CFAP54: variants seen among roughly 807,000 people sequenced by gnomAD.
The protein encoded by CFAP54 is cilia- and flagella-associated protein 54.
In CFAP54, 290 loss-of-function variants were observed where a neutral mutation model predicts 370.4. The observed-to-expected ratio is 0.78, with a 90% CI of 0.71 to 0.86. CFAP54 has a LOEUF of 0.86. Ranked by LOEUF, CFAP54 falls within the 40% of genes least tolerant of loss-of-function variation. The pLI, the probability that CFAP54 is intolerant of heterozygous loss-of-function variation, is 0.00. For synonymous variants in CFAP54, 1,206 were observed against 1,236.5 expected (o/e 0.98, Z 0.52); for missense variants, 3,399 against 3,528.7 (o/e 0.96, Z 0.93).
At chr12:96,865,784 T>C (rs1406940929) in intron 67 of CFAP54, among the ~76,000 whole-genome samples, 1 of 152,166 alleles carries the variant, frequency 6.6e-6, no homozygotes, top group Non-Finnish European at 1.5e-5. Context: ...CTCATCTCAT[T>C]ATATGACTGG....
chr12:96,815,544 G>C (rs897535456), intron 64 of CFAP54, among the ~76,000 whole-genome samples: 4 of 152,228 alleles, frequency 2.6e-5, no homozygotes, highest in African/African-American at 9.6e-5. Flanking sequence ...TTCTTTTGCT[G>C]TGCAGAAACT....
chr12:96,610,840 A>G (rs1007439498), intron 26 of CFAP54, among the ~76,000 whole-genome samples: 8 of 152,064 alleles, frequency 5.3e-5, no homozygotes, highest in Non-Finnish European at 7.4e-5. Context: ...AGGCTGGGGG[A>G]GGGGCACCTG....
intron 66 of CFAP54, among the ~76,000 whole-genome samples, chr12:96,837,065 TC>T (rs1367147784): frequency 6.6e-6 from 1 of 152,164 alleles, no homozygotes; most frequent in Non-Finnish European, 1.5e-5. Context: ...CAAATGATCC[TC>T]CCATCTTGTT....
chr12:96,602,117 C>A (rs181950178), intron 26 of CFAP54, among the ~76,000 whole-genome samples: 281 of 152,294 alleles, frequency 1.8e-3, no homozygotes, highest in African/African-American at 6.4e-3. Context: ...TCCCTCTACA[C>A]ACTGCTTTAA....
intron 4 of CFAP54, among the ~76,000 whole-genome samples, chr12:96,511,302 A>G (rs867311899): frequency 6.6e-6 from 1 of 151,990 alleles, no homozygotes; most frequent in African/African-American, 2.4e-5. Flanking sequence ...TGCAGTTGCC[A>G]TTTTCTCACA....
chr12:96,506,894 TC>T (rs1274689231), intron 3 of CFAP54, 33 bp from the exon 4 acceptor site: 110 of 1,493,568 alleles, frequency 7.4e-5, no homozygotes, highest in Non-Finnish European at 8.9e-5. Flanking sequence ...GCCAGTTATT[TC>T]TATTTCTATT....
chr12:96,654,139 A>G (rs528061544), intron 36 of CFAP54, among the ~76,000 whole-genome samples: 1 of 152,312 alleles, frequency 6.6e-6, no homozygotes, highest in South Asian at 2.1e-4. Context: ...CAGACCCACA[A>G]TATTTCTTTG....
At chr12:96,650,142 T>C (rs1956842575) in intron 35 of CFAP54, 70 bp downstream of exon 35, 1 of 1,275,814 alleles carries the variant, frequency 7.8e-7, no homozygotes, top group Non-Finnish European at 1.1e-6. Flanking sequence ...GCGTTTAAGA[T>C]ACATTGTGTT....
intron 67 of CFAP54, among the ~76,000 whole-genome samples, chr12:96,867,469 A>G (rs1164882315): frequency 6.6e-6 from 1 of 152,182 alleles, no homozygotes; most frequent in African/African-American, 2.4e-5. Context: ...TCATTGCAGC[A>G]TTACTCTCAA....
At chr12:96,710,111 T>C (rs1450891351) in intron 48 of CFAP54, among the ~76,000 whole-genome samples, 1 of 152,212 alleles carries the variant, frequency 6.6e-6, no homozygotes, top group Non-Finnish European at 1.5e-5. Flanking sequence ...GCAGTTTTCT[T>C]GTAGTGTCTT....
intron 64 of CFAP54, 136 bp downstream of exon 64, chr12:96,811,978 G>T: frequency 1.8e-6 from 1 of 555,570 alleles, no homozygotes; most frequent in South Asian, 2.4e-5. Context: ...TTTGTTTAGA[G>T]GAATATTATA....
At chr12:96,518,162 A>C (rs191216846) in intron 5 of CFAP54, among the ~76,000 whole-genome samples, 2 of 152,316 alleles carry the variant, frequency 1.3e-5, no homozygotes, top group East Asian at 3.9e-4. Context: ...TAGGTGGTAA[A>C]ATTGGGACCA....
Position 96,607,794 on chromosome 12 carries a change from C to CTT in CFAP54, c.3639+9040_3639+9041dup, listed in dbSNP as rs534880310. Among the ~76,000 whole-genome samples the CTT allele has an allele frequency of 9.4e-3, 1,349 of 143,148 alleles. 13 individuals carry two copies. The highest frequency in any genetic ancestry group is 0.039 in the Middle Eastern group (11 of 280). The allele number at this position is 143,148 out of a possible 152,430, so 93.9% of individuals were successfully genotyped here. A position where few individuals can be genotyped will look rare whatever the true frequency, so the allele number is the denominator to read the frequency against. On this transcript the variant is annotated intron_variant, in intron 26 of 67. Transcript: ENST00000524981. ...GGAAAGAGAATCAATTAGCTTCAGA[C>CTT]TTTTTTTTTTTTTTAAATCAGTGAT...
rs1256413375 is a variant in CFAP54, at chr12:96,644,383, T to G, written c.4522T>G (p.Phe1508Val). The G allele has an allele frequency of 6.5e-7, 1 of 1,535,428 alleles. No individual in the cohort carries two copies. Among genetic ancestry groups the G allele is most frequent in the African/African-American group, 1.4e-5 (1 of 73,030 alleles). Residue 1508 changes from phenylalanine (F) to valine (V), a missense_variant, in exon 33 of 68, where the codon TTT becomes GTT. Physicochemically the swap from Phe to Val is conservative, Grantham distance 50 (BLOSUM62 -1). Coordinates refer to ENST00000524981, the MANE Select transcript of CFAP54 (RefSeq NM_001306084.2). ...QKLWECTKMK[F>V]GTSHMMVSFR... ...GCTATGGGAGTGTACGAAGATGAAA[T>G]TTGGCACATCACATATGATGGTCAG...
At position 96,786,690 on chromosome 12, in the gene CFAP54, T is replaced by A; in HGVS notation, c.8471T>A (p.Val2824Glu). The A allele has an allele frequency of 1.3e-6, 2 of 1,532,122 alleles. No homozygotes were observed. The highest frequency in any genetic ancestry group is 1.7e-6 in the Non-Finnish European group (2 of 1,144,410). 94.9% of individuals were successfully genotyped at this position (1,532,122 alleles called of 1,614,324 possible). A position where few individuals can be genotyped will look rare whatever the true frequency, so the allele number is the denominator to read the frequency against. The change falls in exon 62 of 68, where the codon GTA (valine) becomes GAA (glutamate). Residue 2824 changes from valine to glutamate, a missense_variant. Val to Glu is a moderately radical substitution (Grantham distance 121). Coordinates refer to ENST00000524981, the MANE Select transcript of CFAP54 (RefSeq NM_001306084.2). ...CTTTCTTAAGCATCTGCAACACCAG[T>A]ATCTGGAATTTCTTTGCCAGATGAT... The part of the protein sequence containing the change: ...LSKLLASATP[V>E]SGISLPDDTL...
intron 17 of CFAP54, among the ~76,000 whole-genome samples, chr12:96,561,511 G>T (rs1276060908): frequency 2.0e-5 from 3 of 151,442 alleles, no homozygotes; most frequent in African/African-American, 7.3e-5. Context: ...GATTTTTTTT[G>T]CTTTCTGTGC....
At position 96,622,311 on chromosome 12, in the gene CFAP54, T is replaced by C. The variant is rs912963973; in HGVS notation, c.3771+590T>C. Among the ~76,000 whole-genome samples the C allele has an allele frequency of 4.6e-5, 7 of 150,892 alleles. No homozygotes were observed. In the East Asian group the frequency reaches 1.2e-3, roughly 26 times the overall value. On this transcript the variant is annotated intron_variant, in intron 27 of 67. Coordinates refer to ENST00000524981, the MANE Select transcript of CFAP54 (RefSeq NM_001306084.2). ...AGTTTTGAAATGTTACTTAGTTCAC[T>C]GGCCTGCCTGCCCGCCCGCCCTCCC...
chr12:96,547,368 G>T (rs1344767564), intron 14 of CFAP54, among the ~76,000 whole-genome samples: 1 of 152,048 alleles, frequency 6.6e-6, no homozygotes, highest in African/African-American at 2.4e-5. Context: ...TGTATTTTTA[G>T]TAGAGGTGGG....
intron 66 of CFAP54, among the ~76,000 whole-genome samples, chr12:96,836,649 G>T (rs1263195175): frequency 6.6e-6 from 1 of 152,094 alleles, no homozygotes; most frequent in Non-Finnish European, 1.5e-5. Flanking sequence ...TCAAGCTCCT[G>T]TTGAACATAA....
Sources: allele counts gnomAD v4.1 joint callset (sites outside exome capture counted in the v4.1 genomes callset), GRCh38; gene constraint gnomAD v4.1.1; transcripts MANE v1.5; gene names NCBI Gene and HGNC (gene_info 2026-07-23, HGNC 2026-07-21).